The following UNC13C variants were observed in gnomAD, a reference collection of about 807,000 sequenced individuals.
UNC13C encodes unc-13 homolog C, also known as protein unc-13 homolog C.
Under a neutral mutation model 245.4 loss-of-function variants are expected in UNC13C, and 174 were observed. That is an observed-to-expected ratio of 0.71 (90% CI 0.63 to 0.80). The LOEUF is 0.80. Ranked by LOEUF, UNC13C falls within the 30% of genes least tolerant of loss-of-function variation. UNC13C has a pLI of 0.00. For synonymous variants in UNC13C, 992 were observed against 895.1 expected (o/e 1.11, Z -1.93); for missense variants, 2,829 against 2,602.9 (o/e 1.09, Z -1.89).
At chr15:54,203,786 A>G (rs2034610953) in intron 4 of UNC13C, among the ~76,000 whole-genome samples, 2 of 105,830 alleles carry the variant, frequency 1.9e-5, no homozygotes, top group Non-Finnish European at 4.6e-5. Context: ...ACACACATAT[A>G]GATATACACA....
At chr15:54,145,696 T>C (rs1406715941) in intron 4 of UNC13C, among the ~76,000 whole-genome samples, 1 of 152,212 alleles carries the variant, frequency 6.6e-6, no homozygotes, top group Non-Finnish European at 1.5e-5. Flanking sequence ...ATGAAAATTG[T>C]TGGGACATCG....
intron 19 of UNC13C, among the ~76,000 whole-genome samples, chr15:54,489,574 A>G (rs1242987077): frequency 6.6e-6 from 1 of 152,212 alleles, no homozygotes; most frequent in Non-Finnish European, 1.5e-5. Flanking sequence ...AGGATAATTA[A>G]TAAGTGGGTA....
rs553306197 is a variant in UNC13C at position 54,124,696 on chromosome 15, C to G, written c.2984-18322C>G. 6.0e-4 allele frequency among the ~76,000 whole-genome samples: 91 copies of G among 152,218 alleles called. 1 individual carries two copies. In the South Asian group the frequency reaches 0.018, roughly 31 times the overall value. On this transcript the variant is annotated intron_variant, in intron 2 of 32. Coordinates refer to ENST00000260323, the MANE Select transcript of UNC13C (RefSeq NM_001080534.3). ...GGTATCATTATTAAGAATTAATCCC[C>G]AAGCCCTATGTCTTGAAATTTTCTC...
At chr15:54,136,370 A>G (rs2031733014) in intron 2 of UNC13C, among the ~76,000 whole-genome samples, 1 of 151,784 alleles carries the variant, frequency 6.6e-6, no homozygotes, top group Non-Finnish European at 1.5e-5. Flanking sequence ...ATATTTTTTC[A>G]GATAGTTTGT....
At chr15:53,891,306 G>A in the UNC13C span, among the ~76,000 whole-genome samples, 1 of 152,190 alleles carries the variant, frequency 6.6e-6, no homozygotes, top group Admixed American at 6.5e-5. Flanking sequence ...TTTAGAACAA[G>A]TGCGATGAGG....
the UNC13C span, among the ~76,000 whole-genome samples, chr15:53,917,142 A>C: frequency 6.6e-6 from 1 of 152,188 alleles, no homozygotes; most frequent in African/African-American, 2.4e-5. Flanking sequence ...GAATTTTGTG[A>C]AATAATCTTG....
chr15:54,607,752 G>C (rs1899847259), intron 30 of UNC13C, among the ~76,000 whole-genome samples: 1 of 152,074 alleles, frequency 6.6e-6, no homozygotes. Flanking sequence ...ACAAAGGGAA[G>C]GGGGAGGTGC....
chr15:54,117,638 T>C (rs1309563719), intron 2 of UNC13C, among the ~76,000 whole-genome samples: 1 of 151,172 alleles, frequency 6.6e-6, no homozygotes, highest in Non-Finnish European at 1.5e-5. Context: ...CTGGAGTGCA[T>C]TGGGACAATC....
chr15:54,364,308 G>T (rs1274160626), intron 17 of UNC13C, among the ~76,000 whole-genome samples: 1 of 149,878 alleles, frequency 6.7e-6, no homozygotes, highest in Non-Finnish European at 1.5e-5. Context: ...CCCCCCCCAA[G>T]AAAAATTTAA....
At chr15:54,236,397 C>A (rs1320211191) in intron 5 of UNC13C, 33 bp from the exon 6 acceptor site, 2 of 1,559,702 alleles carry the variant, frequency 1.3e-6, no homozygotes, top group Non-Finnish European at 8.7e-7. Flanking sequence ...TAATTATTTA[C>A]ATTTTGTTTC....
intron 2 of UNC13C, among the ~76,000 whole-genome samples, chr15:54,035,832 C>T (rs1427298517): frequency 1.3e-5 from 2 of 152,058 alleles, no homozygotes; most frequent in Admixed American, 6.5e-5. Flanking sequence ...AAAAGTTTCA[C>T]AAGGTGGGGA....
chr15:53,972,270 A>G, the UNC13C span, among the ~76,000 whole-genome samples: 7 of 152,222 alleles, frequency 4.6e-5, no homozygotes, highest in Admixed American at 1.3e-4. Flanking sequence ...GCCCTAAACC[A>G]GAAATTAGGG....
At position 54,212,128 on chromosome 15, in the gene UNC13C, A is replaced by G. The variant is rs369622253; in HGVS notation, c.3072-22902A>G. ...ACATTGCTACCTTTGTTCCATTATC[A>G]TAGTGCTTGAAGTTTACAAACAAAC... On this transcript the variant is annotated intron_variant, in intron 4 of 32. Coordinates refer to ENST00000260323, the MANE Select transcript of UNC13C (RefSeq NM_001080534.3). 3.9e-5 allele frequency among the ~76,000 whole-genome samples: 6 copies of G among 152,202 alleles called. No individual in the cohort carries two copies. In the South Asian group the frequency reaches 6.2e-4, roughly 16 times the overall value.
intron 2 of UNC13C, among the ~76,000 whole-genome samples, chr15:54,097,845 C>G (rs1449294625): frequency 6.6e-6 from 1 of 152,130 alleles, no homozygotes; most frequent in Non-Finnish European, 1.5e-5. Context: ...GAATAACTTG[C>G]TTGTAAAATA....
intron 14 of UNC13C, among the ~76,000 whole-genome samples, chr15:54,323,048 G>A (rs1435948170): frequency 2.6e-5 from 4 of 151,750 alleles, no homozygotes; most frequent in South Asian, 2.1e-4. Context: ...ATCAGTTGTG[G>A]GAAGATGATT....
intron 4 of UNC13C, among the ~76,000 whole-genome samples, chr15:54,187,432 AGG>A (rs60093942): frequency 0.15 from 22,215 of 152,182 alleles, 2,066 homozygotes; most frequent in Middle Eastern, 0.24. Context: ...ATTAATAAAA[AGG>A]CCTGACCCTT....
intron 2 of UNC13C, among the ~76,000 whole-genome samples, chr15:54,028,682 G>GTTTTTTTTT (rs1896223044): frequency 2.4e-5 from 1 of 42,358 alleles, no homozygotes; most frequent in Non-Finnish European, 5.4e-5. Context: ...CAGCCTACAA[G>GTTTTTTTTT]TCTTTTTTTT....
chr15:54,063,176 T>C (rs1416222722), intron 2 of UNC13C, among the ~76,000 whole-genome samples: 1 of 152,160 alleles, frequency 6.6e-6, no homozygotes, highest in Non-Finnish European at 1.5e-5. Flanking sequence ...TTCCAGAATA[T>C]GTTAAAGAGT....
intron 1 of UNC13C, among the ~76,000 whole-genome samples, chr15:54,011,502 C>A (rs922306763): frequency 3.9e-5 from 6 of 152,300 alleles, no homozygotes; most frequent in African/African-American, 1.4e-4. Context: ...TACCTGATTG[C>A]AGCTTAACTT....
Sources: gnomAD v4.1 joint callset for allele counts (sites outside exome capture counted in the v4.1 genomes callset) on GRCh38, gnomAD v4.1.1 for gene constraint, MANE v1.5 for transcripts, NCBI Gene and HGNC (gene_info 2026-07-23, HGNC 2026-07-21) for gene names.